Variants in RASGRF1 observed in about 807,000 individuals in gnomAD.
RASGRF1 encodes ras-specific guanine nucleotide-releasing factor 1.
In RASGRF1, 40 loss-of-function variants were observed where a neutral mutation model predicts 138.7. The observed-to-expected ratio is 0.29, with a 90% confidence interval of 0.22 to 0.38. The LOEUF (loss-of-function observed/expected upper bound fraction) is 0.38. RASGRF1 is among the 10% of genes least tolerant of loss of function. The pLI is 1.00. For synonymous variants in RASGRF1, 614 were observed against 663.2 expected, an observed-to-expected ratio of 0.93 and a Z score of 1.14; for missense variants, 1,108 against 1,650.4, an observed-to-expected ratio of 0.67 and a Z score of 5.69.
intron 23 of RASGRF1, among the ~76,000 whole-genome samples, chr15:78,982,774 G>A (rs887519543): frequency 4.6e-5 from 7 of 152,110 alleles, no homozygotes; most frequent in African/African-American, 1.4e-4. Flanking sequence ...TAGCCAAGGC[G>A]AGGCTTTTGT....
At chr15:79,072,567 G>C (rs147611481) in intron 1 of RASGRF1, among the ~76,000 whole-genome samples, 2 of 152,034 alleles carry the variant, frequency 1.3e-5, no homozygotes, top group South Asian at 2.1e-4. Flanking sequence ...GAGCCACCGC[G>C]CCCGGCCAAT....
chr15:79,081,934 T>C (rs546092594), intron 1 of RASGRF1, among the ~76,000 whole-genome samples: 8 of 152,156 alleles, frequency 5.3e-5, no homozygotes, highest in Non-Finnish European at 1.2e-4. Flanking sequence ...TTCTGTGACA[T>C]TTGGTCAAGA....
intron 18 of RASGRF1, 118 bp from the exon 19 acceptor site, chr15:78,998,326 T>G (rs2056440893): frequency 2.4e-6 from 2 of 844,262 alleles, no homozygotes; most frequent in Non-Finnish European, 3.9e-6. Context: ...CAGGCTGACC[T>G]GCCTCATTTC....
chr15:79,090,209 G>A lies in RASGRF1; in HGVS notation c.276+14C>T, dbSNP rs747418160. The A allele has an allele frequency of 3.5e-5, 56 of 1,588,484 alleles. 1 individual carries two copies. Among genetic ancestry groups the A allele is most frequent in the Middle Eastern group, 2.0e-4 (1 of 4,908 alleles). On this transcript the variant is annotated intron_variant, in intron 1 of 26. Transcript: ENST00000558480. ...CCGGGACGCAGGGAGGTCAGGACGC[G>A]ACGCTCGCCTCACCTGTTTCTCCAG...
chr15:78,974,652 C>T (rs892150964), intron 24 of RASGRF1, among the ~76,000 whole-genome samples: 11 of 152,134 alleles, frequency 7.2e-5, no homozygotes, highest in African/African-American at 1.4e-4. Flanking sequence ...TCAGGGAGAG[C>T]GCCTCATTTG....
At chr15:79,020,684 G>C (rs547798833) in intron 10 of RASGRF1, among the ~76,000 whole-genome samples, 125 of 152,308 alleles carry the variant, frequency 8.2e-4, no homozygotes, top group African/African-American at 2.9e-3. Context: ...AGGAATACCT[G>C]GAAAAATGCC....
In RASGRF1 at chr15:78,962,007, G is replaced by C. The variant is rs2055553442; in HGVS notation, c.*137C>G. ...AGAAATTCATATTCCGGTTCTACAG[G>C]AATCTAAGAACAAGGACGATTTGTA... On this transcript the variant is annotated 3_prime_UTR_variant, in exon 27 of 27. Coordinates refer to ENST00000558480, the MANE Select transcript of RASGRF1 (RefSeq NM_001145648.3). 1.1e-5 allele frequency: 7 copies of C among 631,766 alleles called. No homozygotes were observed. In the South Asian group the frequency reaches 1.4e-4, roughly 12 times the overall value. The allele number at this position is 631,766 out of a possible 1,614,324, so 39.1% of individuals were successfully genotyped here.
chr15:79,023,178 A>T (rs529073053), intron 10 of RASGRF1, among the ~76,000 whole-genome samples: 1 of 124,914 alleles, frequency 8.0e-6, no homozygotes, highest in Admixed American at 8.0e-5. Flanking sequence ...CGTCTTGGGG[A>T]AAAAAAAAAA....
intron 2 of RASGRF1, 128 bp downstream of exon 2, chr15:79,064,292 T>C (rs1035828879): frequency 4.7e-6 from 4 of 849,110 alleles, no homozygotes; most frequent in Non-Finnish European, 7.4e-6. Flanking sequence ...TGCCAAGAGA[T>C]GCTTCTCCTC....
intron 13 of RASGRF1, among the ~76,000 whole-genome samples, chr15:79,008,478 C>G (rs2056729865): frequency 6.6e-6 from 1 of 152,208 alleles, no homozygotes; most frequent in South Asian, 2.1e-4. Flanking sequence ...GATTTGGTTT[C>G]CACCAAGATT....
rs868472108 is a variant in RASGRF1, at chr15:78,973,772, A to C, written c.3495-352T>G. ...CTCTGTCACCAGCCCCTCTGGACTC[A>C]CCTTTCCTATCTCTCCCTGAGACTC... On this transcript the variant is annotated intron_variant, in intron 24 of 26. Transcript: ENST00000558480. This position sits in a 1 kb window ranked among gnomAD's most constrained non-coding sequence, Gnocchi z 4.9. Among the ~76,000 whole-genome samples the C allele has an allele frequency of 6.6e-6, 1 of 151,506 alleles. No homozygotes were observed. The highest frequency in any genetic ancestry group is 1.5e-5 in the Non-Finnish European group (1 of 67,852).
At chr15:79,084,406 G>A (rs960122163) in intron 1 of RASGRF1, among the ~76,000 whole-genome samples, 1 of 152,248 alleles carries the variant, frequency 6.6e-6, no homozygotes, top group Non-Finnish European at 1.5e-5. Context: ...GGCTGTGAAA[G>A]CGTTGAGTGC....
At chr15:79,025,227 C>A (rs1189024859) in intron 10 of RASGRF1, 87 bp downstream of exon 10, 3 of 1,418,224 alleles carry the variant, frequency 2.1e-6, no homozygotes, top group Non-Finnish European at 2.8e-6. Context: ...CCCTGCCCAC[C>A]ACCTGGGCCC....
intron 26 of RASGRF1, among the ~76,000 whole-genome samples, chr15:78,966,122 A>G (rs1159460775): frequency 6.6e-6 from 1 of 151,894 alleles, no homozygotes. Flanking sequence ...CTTTAAGCTG[A>G]TGAATTCAAT....
chr15:79,086,044 T>C (rs912987895), intron 1 of RASGRF1, among the ~76,000 whole-genome samples: 1 of 152,068 alleles, frequency 6.6e-6, no homozygotes, highest in African/African-American at 2.4e-5. Context: ...ATTTGGGGGA[T>C]GGGGTGGGTG....
At chr15:78,974,534 C>T (rs761774196) in intron 24 of RASGRF1, among the ~76,000 whole-genome samples, 4 of 152,224 alleles carry the variant, frequency 2.6e-5, no homozygotes, top group Non-Finnish European at 5.9e-5. Flanking sequence ...GCAATGATAG[C>T]AGCTAAGACA....
At chr15:79,034,435 A>G (rs1398893878) in intron 6 of RASGRF1, among the ~76,000 whole-genome samples, 1 of 152,244 alleles carries the variant, frequency 6.6e-6, no homozygotes, top group Non-Finnish European at 1.5e-5. Context: ...ACATGTTTGG[A>G]TTCTTTGTTT....
intron 4 of RASGRF1, among the ~76,000 whole-genome samples, chr15:79,047,738 A>G (rs1353463157): frequency 6.6e-6 from 1 of 152,118 alleles, no homozygotes; most frequent in Admixed American, 6.5e-5. Context: ...TGATTGACAC[A>G]CACACACAGA....
rs747117072 is a variant in RASGRF1 at position 79,072,383 on chromosome 15, C to A, written c.277-7857G>T. ...CTCTGCCTCCCGGGTTCATGCCATT[C>A]TCCTGCCTCAGCCTCCCGAGGAGCT... is the stretch of plus-strand genomic sequence containing the variant. On this transcript the variant is annotated intron_variant, in intron 1 of 26. Transcript: ENST00000558480. 1.4e-4 allele frequency among the ~76,000 whole-genome samples: 20 copies of A among 145,010 alleles called. 1 individual carries two copies. Among genetic ancestry groups the A allele is most frequent in the Non-Finnish European group, 1.2e-4 (8 of 66,852 alleles).
Sources: gnomAD v4.1 joint callset for allele counts (sites outside exome capture counted in the v4.1 genomes callset) on GRCh38, gnomAD v4.1.1 for gene constraint, Gnocchi (gnomAD v3.1) non-coding constraint, MANE v1.5 for transcripts, NCBI Gene and HGNC (gene_info 2026-07-23, HGNC 2026-07-21) for gene names.